The following RBM20 variants were observed in gnomAD, a reference collection of about 807,000 sequenced individuals.
The protein encoded by RBM20 is RNA binding motif protein 20.
In RBM20, 51 loss-of-function variants were observed where a neutral mutation model predicts 110.1. The ratio of observed to expected loss-of-function variants is 0.46; its 90% CI spans 0.37 to 0.59. RBM20 has a LOEUF of 0.59. Among genes scored for constraint, RBM20 ranks in the 20% least tolerant of loss-of-function variants. RBM20 has a pLI of 0.00. For missense variants in RBM20, 1,512 were observed against 1,574.9 expected, an observed-to-expected ratio of 0.96 and a Z score of 0.68; for synonymous variants, 589 against 618.2, an observed-to-expected ratio of 0.95 and a Z score of 0.70.
intron 1 of RBM20, among the ~76,000 whole-genome samples, chr10:110,779,304 G>A (rs1450170886): frequency 6.6e-6 from 1 of 152,162 alleles, no homozygotes; most frequent in Non-Finnish European, 1.5e-5. Flanking sequence ...AATCAAACAT[G>A]CCTGTGCAAT....
chr10:110,729,804 G>A lies in RBM20; in HGVS notation c.192-50997G>A, dbSNP rs185585087. Among the ~76,000 whole-genome samples, 3 of 152,300 alleles carry A rather than the reference G, an allele frequency of 2.0e-5. No homozygotes were observed. In the East Asian group the frequency reaches 5.8e-4, roughly 29 times the overall value. ...GACCCCCTCTGTCAGGAACATTAATGTCATTTCTTCCCCCTTTTATTTATT... is the reference window on the plus strand; with the variant it reads ...GACCCCCTCTGTCAGGAACATTAATATCATTTCTTCCCCCTTTTATTTATT... On this transcript the variant is annotated intron_variant, in intron 1 of 13. Coordinates refer to ENST00000369519, the MANE Select transcript of RBM20 (RefSeq NM_001134363.3).
chr10:110,781,692 T>A lies in RBM20; in HGVS notation c.1083T>A (p.Pro361=). ...DPEEPTSDRT[P]PSFGGRLNNS... is the part of the protein sequence containing the mutation. ...AGGAACCAACCTCAGACAGGACACC[T>A]CCTTCCTTCGGGGGTCGGCTTAACA... Residue 361 remains proline (P), a synonymous_variant, in exon 2 of 14, where the codon CCT becomes CCA. Coordinates refer to ENST00000369519, the MANE Select transcript of RBM20 (RefSeq NM_001134363.3). The A allele has an allele frequency of 6.5e-7, 1 of 1,550,372 alleles. No homozygotes were observed. The highest frequency in any genetic ancestry group is 8.7e-7 in the Non-Finnish European group (1 of 1,145,982).
intron 1 of RBM20, among the ~76,000 whole-genome samples, chr10:110,780,365 G>C (rs1370788176): frequency 1.3e-5 from 2 of 152,068 alleles, no homozygotes; most frequent in East Asian, 3.9e-4. Context: ...CATTTTCTCA[G>C]TTTTGATTTA....
intron 1 of RBM20, among the ~76,000 whole-genome samples, chr10:110,645,918 A>T (rs1356174025): frequency 6.6e-6 from 1 of 151,840 alleles, no homozygotes; most frequent in Non-Finnish European, 1.5e-5. Context: ...ATTCTTTTCT[A>T]TTGTTTTGCA....
chr10:110,804,223 G>T (rs575878752), intron 7 of RBM20, among the ~76,000 whole-genome samples: 52 of 152,334 alleles, frequency 3.4e-4, no homozygotes, highest in African/African-American at 1.2e-3. Context: ...TGCTGTGATT[G>T]GCTGGACCTG....
chr10:110,798,361 T>G (rs1431032667), intron 6 of RBM20, among the ~76,000 whole-genome samples: 1 of 152,234 alleles, frequency 6.6e-6, no homozygotes, highest in Non-Finnish European at 1.5e-5. Context: ...AGGCTGAACT[T>G]TGGAGACTCA....
intron 1 of RBM20, among the ~76,000 whole-genome samples, chr10:110,655,937 A>T (rs2134814244): frequency 6.6e-6 from 1 of 152,182 alleles, no homozygotes; most frequent in Non-Finnish European, 1.5e-5. Context: ...GTATAATTGA[A>T]GTGTGGTAAG....
intron 1 of RBM20, among the ~76,000 whole-genome samples, chr10:110,708,633 G>A (rs1650461346): frequency 6.6e-6 from 1 of 152,174 alleles, no homozygotes; most frequent in Admixed American, 6.5e-5. Context: ...ATTGCTGAAA[G>A]CTGGGATTTC....
At chr10:110,740,616 T>C (rs1433425336) in intron 1 of RBM20, among the ~76,000 whole-genome samples, 22 of 152,132 alleles carry the variant, frequency 1.4e-4, no homozygotes, top group Non-Finnish European at 4.4e-5. Context: ...CAGGGCTTGG[T>C]AGGGGTGGGG....
chr10:110,679,343 C>T (rs1862386715), intron 1 of RBM20, among the ~76,000 whole-genome samples: 1 of 152,108 alleles, frequency 6.6e-6, no homozygotes, highest in Admixed American at 6.5e-5. Flanking sequence ...CTTGCCTCAG[C>T]CTCACGAGTA....
At chr10:110,711,719 G>T (rs531454895) in intron 1 of RBM20, among the ~76,000 whole-genome samples, 1 of 152,338 alleles carries the variant, frequency 6.6e-6, no homozygotes, top group African/African-American at 2.4e-5. Flanking sequence ...CTATCAGTCT[G>T]ATCCAGAAGA....
At chr10:110,732,449 C>T (rs1843629365) in intron 1 of RBM20, among the ~76,000 whole-genome samples, 1 of 152,148 alleles carries the variant, frequency 6.6e-6, no homozygotes, top group South Asian at 2.1e-4. Context: ...ATTTCAATTG[C>T]CCACCAATCC....
chr10:110,815,661 C>CTTCT (rs1196527743), intron 9 of RBM20, among the ~76,000 whole-genome samples: 1 of 152,222 alleles, frequency 6.6e-6, no homozygotes, highest in African/African-American at 2.4e-5. Flanking sequence ...CTTCTACTCA[C>CTTCT]ACTCCTGAGA....
rs184010002 is a variant in RBM20, at chr10:110,666,849, T to C, written c.191+22204T>C. ...CAGCTGTAATATAAACATGGGAAAA[T>C]TGGGGCAAGGCAAATCAAGAACAAA... On this transcript the variant is annotated intron_variant, in intron 1 of 13. Coordinates refer to ENST00000369519, the MANE Select transcript of RBM20 (RefSeq NM_001134363.3). Among the ~76,000 whole-genome samples, 473 of 152,162 alleles carry C rather than the reference T, an allele frequency of 3.1e-3. 3 individuals carry two copies. Among genetic ancestry groups the C allele is most frequent in the Non-Finnish European group, 3.9e-3 (263 of 67,994 alleles).
chr10:110,650,280 G>A (rs1981248), intron 1 of RBM20, among the ~76,000 whole-genome samples: 118,268 of 152,090 alleles, frequency 0.78, 47,292 homozygotes, highest in South Asian at 0.86. Flanking sequence ...CTTCCCCACA[G>A]CTCCTGATGG....
At chr10:110,793,616 C>T (rs1844511491) in intron 5 of RBM20, among the ~76,000 whole-genome samples, 2 of 152,230 alleles carry the variant, frequency 1.3e-5, no homozygotes, top group Admixed American at 1.3e-4. Flanking sequence ...TGATAGGTTA[C>T]ATCTCCGTAT....
intron 1 of RBM20, among the ~76,000 whole-genome samples, chr10:110,682,954 G>C (rs928200156): frequency 6.6e-6 from 1 of 152,150 alleles, no homozygotes; most frequent in Non-Finnish European, 1.5e-5. Flanking sequence ...AAGAGCTGTT[G>C]TTCCTTCTTC....
At chr10:110,689,124 C>A (rs1366154961) in intron 1 of RBM20, among the ~76,000 whole-genome samples, 1 of 152,158 alleles carries the variant, frequency 6.6e-6, no homozygotes, top group Non-Finnish European at 1.5e-5. Context: ...TATTCCGTTT[C>A]CCCCAATGGC....
At chr10:110,813,021 A>T (rs1844795740) in intron 9 of RBM20, 74 bp downstream of exon 9, 1 of 1,051,420 alleles carries the variant, frequency 9.5e-7, no homozygotes, top group Admixed American at 3.1e-5. Flanking sequence ...TATAATGAGG[A>T]TGAACGTTTA....
Sources: allele counts gnomAD v4.1 joint callset (sites outside exome capture counted in the v4.1 genomes callset), GRCh38; gene constraint gnomAD v4.1.1; transcripts MANE v1.5; gene names NCBI Gene and HGNC (gene_info 2026-07-23, HGNC 2026-07-21).